The following SLIT2 variants were observed in gnomAD, a reference collection of about 807,000 sequenced individuals.
The protein encoded by SLIT2 is slit homolog 2 protein.
Under a neutral mutation model 185.7 loss-of-function variants are expected in SLIT2, and 41 were observed. That is an observed-to-expected ratio of 0.22 (90% CI 0.17 to 0.29). The LOEUF (loss-of-function observed/expected upper bound fraction) is 0.29. SLIT2 is among the 10% of genes least tolerant of loss of function. The probability of loss-of-function intolerance (pLI) is 1.00; values close to 1 mark genes in which losing one functional copy is unlikely to be tolerated. For missense variants in SLIT2, 1,571 were observed against 1,909.0 expected (o/e 0.82, Z 3.30); for synonymous variants, 693 against 680.2 (o/e 1.02, Z -0.29).
chr4:20,598,390 T>A lies in SLIT2; in HGVS notation c.3687T>A (p.Ile1229=). 6.2e-7 allele frequency: 1 copy of A among 1,614,008 alleles called. No individual in the cohort carries two copies. ...YDTGSHPASA[I]YSVETINDGN... ...CCGGCTCTCATCCAGCTTCTGCCAT[T>A]TACAGGTGAAGATCTCTCAGTTACG... The change falls in exon 33 of 37, where the codon ATT becomes ATA. Residue 1229 remains isoleucine (I), a synonymous_variant. Coordinates refer to ENST00000504154, the MANE Select transcript of SLIT2 (RefSeq NM_004787.4).
chr4:20,484,693 CTG>C lies in SLIT2; in HGVS notation c.540-1505_540-1504del, dbSNP rs1717037555. Reference sequence around the variant, plus strand: ...AGCTCAAACATAAGCGGTCTACAGACTGTTTGAAATGTTTTAATTAGTTGCCA... The same window carrying C: ...AGCTCAAACATAAGCGGTCTACAGACTTTGAAATGTTTTAATTAGTTGCCA... On this transcript the variant is annotated intron_variant, in intron 6 of 36. Transcript: ENST00000504154. This position sits in a 1 kb window ranked among gnomAD's most constrained non-coding sequence, Gnocchi z 4.3. Among the ~76,000 whole-genome samples the C allele has an allele frequency of 6.6e-6, 1 of 152,098 alleles. No individual in the cohort carries two copies. The highest frequency in any genetic ancestry group is 2.1e-4 in the South Asian group (1 of 4,820).
chr4:20,489,156 A>G (rs1717541456), intron 8 of SLIT2, among the ~76,000 whole-genome samples, 174 bp downstream of exon 8: 1 of 152,226 alleles, frequency 6.6e-6, no homozygotes, highest in Admixed American at 6.5e-5. Flanking sequence ...ACCTCACTAT[A>G]TCGGTTGGCA....
intron 3 of SLIT2, among the ~76,000 whole-genome samples, chr4:20,268,350 TC>T (rs1713248593): frequency 6.6e-6 from 1 of 151,752 alleles, no homozygotes; most frequent in Admixed American, 6.6e-5. Flanking sequence ...TTTTTTTTTT[TC>T]CTCCCAACTA....
Position 20,403,455 on chromosome 4 carries a change from G to A in SLIT2, c.396-64297G>A, listed in dbSNP as rs77639971. Among the ~76,000 whole-genome samples the A allele has an allele frequency of 1.8e-4, 28 of 152,000 alleles. No homozygotes were observed. In the East Asian group the frequency reaches 5.4e-3, roughly 29 times the overall value. On this transcript the variant is annotated intron_variant, in intron 4 of 36. Coordinates refer to ENST00000504154, the MANE Select transcript of SLIT2 (RefSeq NM_004787.4). ...TGGATTGTTATTCTGTTAGCATGAT[G>A]AACTAATTGACCTAGCAGGGCTCCC...
chr4:20,519,512 T>C (rs959668327), intron 12 of SLIT2, 59 bp downstream of exon 12: 14 of 1,038,188 alleles, frequency 1.3e-5, no homozygotes, highest in African/African-American at 4.8e-5. Context: ...GCCATTTTGT[T>C]GTCTCATATT....
At chr4:20,291,447 C>CTTATAT (rs1445810616) in intron 4 of SLIT2, among the ~76,000 whole-genome samples, 1 of 50,260 alleles carries the variant, frequency 2.0e-5, no homozygotes, top group African/African-American at 7.5e-5. Flanking sequence ...TAAGAAACCT[C>CTTATAT]ATATATATAT....
rs754580411 is a variant in SLIT2 at position 20,617,590 on chromosome 4, G to C, written c.4288G>C (p.Gly1430Arg). The change falls in exon 36 of 37, where the codon GGT (glycine) becomes CGT (arginine). Residue 1430 changes from glycine to arginine, a missense_variant. Gly to Arg is a moderately radical substitution (Grantham distance 125). This residue lies in a region of SLIT2 where 223 missense variants were observed against 245.2 expected (regional missense o/e 0.91). Transcript: ENST00000504154. ...CAAGCATGGGAAGTGCAGGCTTTCAGGTCTGGGGCAGCCCTACTGTGAATG... is the reference window on the plus strand; with the variant it reads ...CAAGCATGGGAAGTGCAGGCTTTCACGTCTGGGGCAGCCCTACTGTGAATG... ...KCKHGKCRLS[G>R]LGQPYCECSS... is the part of the protein sequence containing the mutation. The C allele has an allele frequency of 1.9e-6, 3 of 1,613,498 alleles. No homozygotes were observed. The South Asian group carries it at 3.3e-5, about 18-fold the overall frequency.
At chr4:20,289,300 T>C (rs6828506) in intron 4 of SLIT2, among the ~76,000 whole-genome samples, 51,688 of 151,942 alleles carry the variant, frequency 0.34, 9,906 homozygotes, top group East Asian at 0.81. Context: ...ATAATAAAAC[T>C]CACATTTCCA....
At chr4:20,332,864 C>T (rs181497033) in intron 4 of SLIT2, among the ~76,000 whole-genome samples, 8 of 151,912 alleles carry the variant, frequency 5.3e-5, no homozygotes, top group East Asian at 1.9e-4. Flanking sequence ...CCATTCTGGA[C>T]GTGGCATAAG....
intron 4 of SLIT2, among the ~76,000 whole-genome samples, chr4:20,454,302 C>CA (rs1249708878): frequency 6.6e-6 from 1 of 152,106 alleles, no homozygotes; most frequent in Non-Finnish European, 1.5e-5. Flanking sequence ...TTTTCTAACA[C>CA]ATACTGTTAT....
chr4:20,604,610 G>A (rs1008137017), intron 33 of SLIT2, among the ~76,000 whole-genome samples: 7 of 152,136 alleles, frequency 4.6e-5, no homozygotes, highest in Admixed American at 1.3e-4. Flanking sequence ...GCCTCCCAAA[G>A]TGCTGGGATT....
rs1467870557 is a variant in SLIT2, at chr4:20,254,852, G to A, written c.179+858G>A. Reference sequence around the variant, plus strand: ...TCTGGCAGTTTCTGCGCCCCTTCACGTGGCAGCAGTTCCCCTGCCTTCCCC... The same window carrying A: ...TCTGGCAGTTTCTGCGCCCCTTCACATGGCAGCAGTTCCCCTGCCTTCCCC... On this transcript the variant is annotated intron_variant, in intron 1 of 36. Transcript: ENST00000504154. This position sits in a 1 kb window ranked among gnomAD's most constrained non-coding sequence, Gnocchi z 5.1. The A allele has an allele frequency of 1.3e-5, 6 of 446,956 alleles. No individual in the cohort carries two copies. The highest frequency in any genetic ancestry group is 7.0e-5 in the East Asian group (1 of 14,300). 27.7% of individuals were successfully genotyped at this position (446,956 alleles called of 1,614,324 possible). A position where few individuals can be genotyped will look rare whatever the true frequency, so the allele number is the denominator to read the frequency against.
At chr4:20,527,183 C>T (rs748157837) in intron 15 of SLIT2, among the ~76,000 whole-genome samples, 14 of 152,132 alleles carry the variant, frequency 9.2e-5, no homozygotes, top group Non-Finnish European at 1.6e-4. Flanking sequence ...TTGAGGATCT[C>T]CATGATTAGT....
At chr4:20,617,749 A>G (rs1405556659) in intron 36 of SLIT2, 99 bp downstream of exon 36, 1 of 704,254 alleles carries the variant, frequency 1.4e-6, no homozygotes, top group South Asian at 1.9e-5. Flanking sequence ...AAAAAAAAAA[A>G]CAGGAGCAAC....
chr4:20,350,321 T>C (rs1166291178), intron 4 of SLIT2, among the ~76,000 whole-genome samples: 1 of 151,994 alleles, frequency 6.6e-6, no homozygotes, highest in Non-Finnish European at 1.5e-5. Context: ...ACAAATATCC[T>C]CCAACCCAAT....
rs564697698 is a variant in SLIT2, at chr4:20,554,110, G to GAGC, written c.2725+145_2725+147dup. 3.6e-3 allele frequency: 2,587 copies of GAGC among 718,434 alleles called. 3 individuals are homozygous for GAGC. The highest frequency in any genetic ancestry group is 5.1e-3 in the Non-Finnish European group (2,211 of 437,242). 44.5% of individuals were successfully genotyped at this position (718,434 alleles called of 1,614,324 possible). ...TTTCAGCCCATGCTTGGACAAGACAGAGCAGTTACCTGAGGTGCCCAAGTA... is the reference window on the plus strand; with the variant it reads ...TTTCAGCCCATGCTTGGACAAGACAGAGCAGCAGTTACCTGAGGTGCCCAAGTA... On this transcript the variant is annotated intron_variant, in intron 26 of 36. Coordinates refer to ENST00000504154, the MANE Select transcript of SLIT2 (RefSeq NM_004787.4).
At chr4:20,377,710 G>A (rs1036155083) in intron 4 of SLIT2, among the ~76,000 whole-genome samples, 98 of 152,046 alleles carry the variant, frequency 6.4e-4, no homozygotes, top group African/African-American at 2.3e-3. Flanking sequence ...TACAGAAGGG[G>A]TTCAAGTCCA....
At chr4:20,412,544 AAC>A (rs1469611218) in intron 4 of SLIT2, among the ~76,000 whole-genome samples, 3 of 151,806 alleles carry the variant, frequency 2.0e-5, no homozygotes, top group African/African-American at 7.3e-5. Flanking sequence ...ACTGTAAACT[AAC>A]AGAGTAGATA....
At chr4:20,603,880 A>G (rs1000140287) in intron 33 of SLIT2, among the ~76,000 whole-genome samples, 10 of 152,198 alleles carry the variant, frequency 6.6e-5, no homozygotes, top group Non-Finnish European at 8.8e-5. Context: ...CAGAATCTAT[A>G]TGGTATTCTT....
Sources: allele counts gnomAD v4.1 joint callset (sites outside exome capture counted in the v4.1 genomes callset), GRCh38; gene constraint gnomAD v4.1.1; regional missense constraint gnomAD v4.1.1; non-coding constraint Gnocchi (gnomAD v3.1); transcripts MANE v1.5; gene names NCBI Gene and HGNC (gene_info 2026-07-23, HGNC 2026-07-21).